The following ZBTB40 variants were observed in gnomAD, a reference collection of about 807,000 sequenced individuals.
The protein encoded by ZBTB40 is zinc finger and BTB domain containing 40.
Under a neutral mutation model 117.5 loss-of-function variants are expected in ZBTB40, and 60 were observed. That is an observed-to-expected ratio of 0.51 (90% CI 0.41 to 0.63). The LOEUF (loss-of-function observed/expected upper bound fraction) is 0.63. Among genes scored for constraint, ZBTB40 ranks in the 30% least tolerant of loss-of-function variants. ZBTB40 has a pLI of 0.00. For missense variants in ZBTB40, 1,287 were observed against 1,498.5 expected (o/e 0.86, Z 2.33); for synonymous variants, 525 against 577.1 (o/e 0.91, Z 1.29).
chr1:22,430,052 T>C (rs1370803816), intron 1 of ZBTB40, among the ~76,000 whole-genome samples: 1 of 152,262 alleles, frequency 6.6e-6, no homozygotes, highest in African/African-American at 2.4e-5. Flanking sequence ...AGTTCTTTTA[T>C]CTAAGTATCT....
intron 1 of ZBTB40, among the ~76,000 whole-genome samples, chr1:22,442,000 TTTCTC>T (rs1640738625): frequency 6.6e-6 from 1 of 152,236 alleles, no homozygotes; most frequent in African/African-American, 2.4e-5. Context: ...TATTTTTTAA[TTTCTC>T]TTCTAATGTT....
intron 17 of ZBTB40, 82 bp downstream of exon 17, chr1:22,524,526 C>G (rs1639625493): frequency 7.1e-7 from 1 of 1,414,964 alleles, no homozygotes; most frequent in African/African-American, 1.4e-5. Context: ...GTCATAGTAC[C>G]CAGAGATACT....
intron 1 of ZBTB40, among the ~76,000 whole-genome samples, chr1:22,446,419 G>C (rs2124370735): frequency 6.6e-6 from 1 of 152,086 alleles, no homozygotes; most frequent in African/African-American, 2.4e-5. Flanking sequence ...CAGAAGCTCA[G>C]AGAATACCAA....
chr1:22,505,461 A>T (rs1639052648), intron 5 of ZBTB40, among the ~76,000 whole-genome samples: 1 of 152,176 alleles, frequency 6.6e-6, no homozygotes, highest in African/African-American at 2.4e-5. Context: ...GGCTGTTGAG[A>T]ATCAGAGGAA....
At position 22,490,732 on chromosome 1, in the gene ZBTB40, C is replaced by A. The variant is rs1253711663; in HGVS notation, c.697+87C>A. ...TTTGATTAATAAATTTATCAAAGACCACTGTTAGGTAGAAAACCAAAATTC... is the reference window on the plus strand; with the variant it reads ...TTTGATTAATAAATTTATCAAAGACAACTGTTAGGTAGAAAACCAAAATTC... On this transcript the variant is annotated intron_variant, in intron 2 of 17. Transcript: ENST00000375647. The A allele has an allele frequency of 8.6e-6, 13 of 1,511,046 alleles. No individual in the cohort carries two copies. In the East Asian group the frequency reaches 2.9e-4, roughly 34 times the overall value. The allele number at this position is 1,511,046 out of a possible 1,614,324, so 93.6% of individuals were successfully genotyped here.
In ZBTB40 at chr1:22,511,709, C is replaced by T. The variant is rs530094911; in HGVS notation, c.2036C>T (p.Thr679Met). ...ACTAAGGAAGATGGAGAGAAGGAAA[C>T]GTGGAAGGTGAGTAATAAATTTCAC... is the stretch of plus-strand genomic sequence containing the variant. ...VLTKEDGEKE[T>M]WKVSNKFHLE... Residue 679 changes from threonine to methionine, a missense_variant, in exon 11 of 18, where the codon ACG becomes ATG. Physicochemically the swap from Thr to Met is moderately conservative, Grantham distance 81 (BLOSUM62 -1). Transcript: ENST00000375647. 1.8e-5 allele frequency: 29 copies of T among 1,608,822 alleles called. 1 individual carries two copies. In the South Asian group the frequency reaches 2.2e-4, roughly 12 times the overall value.
intron 1 of ZBTB40, among the ~76,000 whole-genome samples, chr1:22,480,318 T>C (rs1462955538): frequency 1.3e-5 from 2 of 152,216 alleles, no homozygotes; most frequent in East Asian, 3.8e-4. Context: ...ACAGAAACCT[T>C]TAATACCTAT....
At chr1:22,471,292 C>T (rs1641397961) in intron 1 of ZBTB40, among the ~76,000 whole-genome samples, 1 of 152,222 alleles carries the variant, frequency 6.6e-6, no homozygotes, top group Non-Finnish European at 1.5e-5. Flanking sequence ...CAAATGCAGG[C>T]ACTCCTGCCA....
chr1:22,495,843 T>A (rs1638760123), intron 3 of ZBTB40, among the ~76,000 whole-genome samples: 2 of 152,212 alleles, frequency 1.3e-5, no homozygotes, highest in South Asian at 4.1e-4. Flanking sequence ...ATCATTTAAC[T>A]CTTCTGGACA....
rs1264231632 is a variant in ZBTB40, at chr1:22,526,401, C to G, written c.*5C>G. 3 of 1,613,790 alleles carry G rather than the reference C, an allele frequency of 1.9e-6. No individual in the cohort carries two copies. Among genetic ancestry groups the G allele is most frequent in the African/African-American group, 1.3e-5 (1 of 74,924 alleles). On this transcript the variant is annotated 3_prime_UTR_variant, in exon 18 of 18. Coordinates refer to ENST00000375647, the MANE Select transcript of ZBTB40 (RefSeq NM_014870.4). The stretch of plus-strand genomic sequence containing the variant: ...ATCTGTGGTGAGGCCAAATGAGCAG[C>G]CTTTCATCCGGCAGAGCCTTCCTGC...
In ZBTB40 at chr1:22,526,487, A is replaced by G. The variant is rs572733584; in HGVS notation, c.*91A>G. 14 of 1,526,646 alleles carry G rather than the reference A, an allele frequency of 9.2e-6. No individual in the cohort carries two copies. The East Asian group carries it at 2.9e-4, about 32-fold the overall frequency. 94.6% of individuals were successfully genotyped at this position (1,526,646 alleles called of 1,614,324 possible). On this transcript the variant is annotated 3_prime_UTR_variant, in exon 18 of 18. Coordinates refer to ENST00000375647, the MANE Select transcript of ZBTB40 (RefSeq NM_014870.4). The stretch of plus-strand genomic sequence containing the variant: ...TTGCCCTCCATCCCTGGCTGTCCTG[A>G]GTGGTGAGCATCTTAGCTTAGCACC...
Position 22,524,277 on chromosome 1 carries a change from C to T in ZBTB40, c.3358C>T (p.Gln1120Ter), listed in dbSNP as rs1445563905. The change falls in exon 17 of 18, where the codon CAG (glutamine) becomes TAG (stop). Residue 1120 changes from glutamine to a stop codon, truncating the protein, a stop_gained. Coordinates refer to ENST00000375647, the MANE Select transcript of ZBTB40 (RefSeq NM_014870.4). LOFTEE classifies it high-confidence loss of function. Reference sequence around the variant, plus strand: ...TACTTTCCGTTTTCCTGGAGCATTGCAGCACCATGTCACCACGGAGCACTT... The same window carrying T: ...TACTTTCCGTTTTCCTGGAGCATTGTAGCACCATGTCACCACGGAGCACTT... ...AATFRFPGALQHHVTTEHFKQ... is the reference protein window; with the variant it reads ...AATFRFPGAL 1 of 1,614,202 alleles carries T rather than the reference C, an allele frequency of 6.2e-7. No individual in the cohort carries two copies. The highest frequency in any genetic ancestry group is 8.5e-7 in the Non-Finnish European group (1 of 1,180,044).
At chr1:22,458,804 T>G (rs1641065104) in intron 1 of ZBTB40, among the ~76,000 whole-genome samples, 1 of 152,242 alleles carries the variant, frequency 6.6e-6, no homozygotes, top group South Asian at 2.1e-4. Context: ...TTGCCCAGGC[T>G]GGTCTTGAAC....
chr1:22,495,770 C>T lies in ZBTB40; in HGVS notation c.831+4237C>T, dbSNP rs187766327. Among the ~76,000 whole-genome samples the T allele has an allele frequency of 4.0e-3, 611 of 152,320 alleles. 6 individuals are homozygous for T. The highest frequency in any genetic ancestry group is 0.014 in the African/African-American group (587 of 41,566). On this transcript the variant is annotated intron_variant, in intron 3 of 17. Transcript: ENST00000375647. ...CAGGTGATCCATCCACCCGCCTTGG[C>T]CTCCCAAAGTGCTGGGATTACAGGC...
At chr1:22,512,186 C>T in intron 11 of ZBTB40, 52 bp downstream of exon 11, 1 of 1,601,296 alleles carries the variant, frequency 6.2e-7, no homozygotes, top group Non-Finnish European at 8.5e-7. Flanking sequence ...GGTTTTATAG[C>T]TTGGATTTCA....
In ZBTB40 at chr1:22,526,738, AC is replaced by A. The variant is rs1199237210; in HGVS notation, c.*346del. On this transcript the variant is annotated 3_prime_UTR_variant, in exon 18 of 18. Transcript: ENST00000375647. ...TGGGATGGGAGCTGGTGACCAGGGT[AC>A]CCCAGGAGGCATGATGTGCCGACAG... 1.4e-5 allele frequency: 5 copies of A among 355,130 alleles called. No homozygotes were observed. The highest frequency in any genetic ancestry group is 2.7e-5 in the Non-Finnish European group (5 of 181,882). 22.0% of individuals were successfully genotyped at this position (355,130 alleles called of 1,614,324 possible).
At chr1:22,464,250 T>G (rs1206993045) in intron 1 of ZBTB40, among the ~76,000 whole-genome samples, 3 of 152,248 alleles carry the variant, frequency 2.0e-5, no homozygotes, top group Non-Finnish European at 4.4e-5. Flanking sequence ...CATTCAAGAT[T>G]CGCACCCGGG....
chr1:22,487,544 G>A (rs1209163753), intron 1 of ZBTB40, among the ~76,000 whole-genome samples: 1 of 152,054 alleles, frequency 6.6e-6, no homozygotes, highest in East Asian at 1.9e-4. Context: ...AGGAACCTGG[G>A]AATTGTTTCT....
chr1:22,514,575 G>A lies in ZBTB40; in HGVS notation c.2668+1445G>A, dbSNP rs144492472. 2.5e-4 allele frequency among the ~76,000 whole-genome samples: 38 copies of A among 152,218 alleles called. No individual in the cohort carries two copies. In the East Asian group the frequency reaches 7.1e-3, roughly 29 times the overall value. On this transcript the variant is annotated intron_variant, in intron 12 of 17. Transcript: ENST00000375647. ...GGACGCTTCCCATCAGACATCTCAC[G>A]TTTCACTTCCTCACCTCCTTTGAGA...
Sources: allele counts gnomAD v4.1 joint callset (sites outside exome capture counted in the v4.1 genomes callset), GRCh38; gene constraint gnomAD v4.1.1; transcripts MANE v1.5; gene names NCBI Gene and HGNC (gene_info 2026-07-23, HGNC 2026-07-21).